The following BMPR2 variants were observed in gnomAD, a reference collection of about 807,000 sequenced individuals.
BMPR2 encodes bone morphogenetic protein receptor type 2, also known as bone morphogenetic protein receptor type-2.
BMPR2 carries 29 observed loss-of-function variants against 100.8 expected under a neutral mutation model. The observed-to-expected ratio is 0.29, with a 90% CI of 0.21 to 0.39. The LOEUF is 0.39. BMPR2 is among the 10% of genes least tolerant of loss of function. The probability of loss-of-function intolerance (pLI) is 1.00; values close to 1 mark genes in which losing one functional copy is unlikely to be tolerated. For missense variants in BMPR2, 1,011 were observed against 1,274.5 expected (o/e 0.79, Z 3.15); for synonymous variants, 382 against 442.3 (o/e 0.86, Z 1.71).
chr2:202,521,486 G>A (rs1316874278), intron 7 of BMPR2, among the ~76,000 whole-genome samples: 1 of 152,000 alleles, frequency 6.6e-6, no homozygotes, highest in African/African-American at 2.4e-5. Flanking sequence ...AGGATTGTTT[G>A]AGCCTGGGAG....
intron 1 of BMPR2, among the ~76,000 whole-genome samples, chr2:202,386,418 G>T (rs1203767443): frequency 6.6e-6 from 1 of 152,054 alleles, no homozygotes; most frequent in Admixed American, 6.6e-5. Context: ...CAGTTGTTCA[G>T]GCCCCAAATT....
chr2:202,413,866 T>C (rs1691067749), intron 1 of BMPR2, among the ~76,000 whole-genome samples: 1 of 152,124 alleles, frequency 6.6e-6, no homozygotes, highest in South Asian at 2.1e-4. Context: ...GGTTTCACCA[T>C]GTTGCCTAGG....
chr2:202,428,766 T>G (rs895442544), intron 1 of BMPR2, among the ~76,000 whole-genome samples: 7 of 152,150 alleles, frequency 4.6e-5, no homozygotes, highest in African/African-American at 1.7e-4. Context: ...ATGGAAAGAT[T>G]TATTCCAATG....
At chr2:202,393,534 G>C (rs752582648) in intron 1 of BMPR2, among the ~76,000 whole-genome samples, 2 of 152,018 alleles carry the variant, frequency 1.3e-5, no homozygotes, top group African/African-American at 4.8e-5. Context: ...AGGCACAAGC[G>C]ATCCTCCTGA....
chr2:202,392,215 G>T (rs781104255), intron 1 of BMPR2, among the ~76,000 whole-genome samples: 1 of 151,932 alleles, frequency 6.6e-6, no homozygotes, highest in South Asian at 2.1e-4. Context: ...GGATTAAAGC[G>T]CCTGCCATCA....
intron 1 of BMPR2, among the ~76,000 whole-genome samples, chr2:202,416,933 T>G (rs777017112): frequency 2.7e-4 from 40 of 150,496 alleles, no homozygotes; most frequent in Non-Finnish European, 4.7e-4. Context: ...GCCTCCTGGG[T>G]TCACACGATT....
intron 1 of BMPR2, among the ~76,000 whole-genome samples, chr2:202,396,135 A>C (rs1690652679): frequency 1.3e-5 from 2 of 152,188 alleles, no homozygotes; most frequent in East Asian, 1.9e-4. Context: ...CAAGTGGTCT[A>C]AACTGCACAT....
intron 1 of BMPR2, 89 bp downstream of exon 1, chr2:202,377,639 T>G: frequency 1.4e-6 from 2 of 1,458,208 alleles, no homozygotes; most frequent in Non-Finnish European, 1.9e-6. Flanking sequence ...GTGCTTGCCC[T>G]TCGCCATGCG....
chr2:202,517,809 C>CT (rs1687741752), intron 5 of BMPR2, among the ~76,000 whole-genome samples: 1 of 150,538 alleles, frequency 6.6e-6, no homozygotes, highest in African/African-American at 2.4e-5. Context: ...TTCTGTTCTT[C>CT]TTTTTTCTTT....
chr2:202,421,310 GAAAAAA>G (rs35984037), intron 1 of BMPR2, among the ~76,000 whole-genome samples: 1 of 94,872 alleles, frequency 1.1e-5, no homozygotes, highest in Non-Finnish European at 2.3e-5. Context: ...TCTCCAAAAG[GAAAAAA>G]AAAAAAAAAA....
intron 6 of BMPR2, among the ~76,000 whole-genome samples, chr2:202,519,317 T>G (rs1449629890): frequency 6.6e-6 from 1 of 152,118 alleles, no homozygotes; most frequent in Admixed American, 6.6e-5. Context: ...GAGCCGAGAT[T>G]GTACAGCCGT....
chr2:202,448,489 CTCTG>C (rs1691902607), intron 1 of BMPR2, among the ~76,000 whole-genome samples: 1 of 149,908 alleles, frequency 6.7e-6, no homozygotes. Context: ...AAAAGTGTTG[CTCTG>C]TCGCCCAGGC....
At chr2:202,431,644 T>TTAA (rs1278544583) in intron 1 of BMPR2, among the ~76,000 whole-genome samples, 1 of 150,472 alleles carries the variant, frequency 6.6e-6, no homozygotes, top group East Asian at 1.9e-4. Context: ...CTTAACATTG[T>TTAA]GTTATGTTAG....
chr2:202,436,770 T>TA (rs1476524980), intron 1 of BMPR2, among the ~76,000 whole-genome samples: 1 of 150,716 alleles, frequency 6.6e-6, no homozygotes, highest in Non-Finnish European at 1.5e-5. Context: ...ATTCTTTTCA[T>TA]ACAGTTTTTC....
intron 3 of BMPR2, among the ~76,000 whole-genome samples, chr2:202,505,803 A>T (rs994969158): frequency 3.3e-5 from 5 of 152,220 alleles, no homozygotes; most frequent in African/African-American, 1.2e-4. Context: ...TACCACTGTT[A>T]CCTGAAATAT....
At chr2:202,394,057 A>G (rs1690611666) in intron 1 of BMPR2, among the ~76,000 whole-genome samples, 1 of 152,146 alleles carries the variant, frequency 6.6e-6, no homozygotes, top group Admixed American at 6.6e-5. Context: ...GTTGTATAAA[A>G]GATTACTCCT....
intron 7 of BMPR2, among the ~76,000 whole-genome samples, chr2:202,529,184 G>GGGATA (rs1459451194): frequency 6.6e-6 from 1 of 152,160 alleles, no homozygotes; most frequent in East Asian, 1.9e-4. Flanking sequence ...GGAGGGCAGG[G>GGGATA]GGATAGCACT....
intron 1 of BMPR2, among the ~76,000 whole-genome samples, chr2:202,387,118 T>A (rs1690446314): frequency 1.3e-5 from 2 of 152,354 alleles, no homozygotes; most frequent in Admixed American, 1.3e-4. Flanking sequence ...TGACCTCATG[T>A]GCCAGCCTGT....
At chr2:202,546,569 C>T (rs1688379170) in intron 10 of BMPR2, among the ~76,000 whole-genome samples, 1 of 152,144 alleles carries the variant, frequency 6.6e-6, no homozygotes. Flanking sequence ...AAATGAACTA[C>T]TTTAACAATC....
Sources: allele counts gnomAD v4.1 joint callset (sites outside exome capture counted in the v4.1 genomes callset), GRCh38; gene constraint gnomAD v4.1.1; transcripts MANE v1.5; gene names NCBI Gene and HGNC (gene_info 2026-07-23, HGNC 2026-07-21).